Variants in CADPS2 observed in about 807,000 individuals in gnomAD.
CADPS2 encodes calcium dependent secretion activator 2.
Under a neutral mutation model 172.5 loss-of-function variants are expected in CADPS2, and 93 were observed. That is an observed-to-expected ratio of 0.54 (90% CI 0.46 to 0.64). The LOEUF is 0.64. Among genes scored for constraint, CADPS2 ranks in the 30% least tolerant of loss-of-function variants. The probability of loss-of-function intolerance (pLI) is 0.00; values close to 1 mark genes in which losing one functional copy is unlikely to be tolerated. For missense variants in CADPS2, 1,420 were observed against 1,565.9 expected, an observed-to-expected ratio of 0.91 and a Z score of 1.57; for synonymous variants, 546 against 555.2, an observed-to-expected ratio of 0.98 and a Z score of 0.23.
At chr7:122,870,318 G>T (rs866346710) in intron 1 of CADPS2, among the ~76,000 whole-genome samples, 1 of 151,840 alleles carries the variant, frequency 6.6e-6, no homozygotes, top group African/African-American at 2.4e-5. Flanking sequence ...TACATATCAG[G>T]CAAAATAGAC....
intron 1 of CADPS2, among the ~76,000 whole-genome samples, chr7:122,876,633 G>T (rs1821284648): frequency 6.6e-6 from 1 of 151,966 alleles, no homozygotes; most frequent in Non-Finnish European, 1.5e-5. Flanking sequence ...AAAATGCTGG[G>T]ATTACATGTA....
intron 1 of CADPS2, among the ~76,000 whole-genome samples, chr7:122,818,844 A>C (rs1227380485): frequency 6.6e-6 from 1 of 152,216 alleles, no homozygotes; most frequent in Non-Finnish European, 1.5e-5. Flanking sequence ...TTCAACAAAT[A>C]TAAAAATCCA....
intron 15 of CADPS2, among the ~76,000 whole-genome samples, chr7:122,443,945 G>C (rs971921190): frequency 6.6e-6 from 1 of 151,926 alleles, no homozygotes; most frequent in African/African-American, 2.4e-5. Flanking sequence ...GCATATACTT[G>C]TGACTATAAT....
intron 28 of CADPS2, among the ~76,000 whole-genome samples, chr7:122,340,714 A>G (rs1365726791): frequency 2.0e-5 from 3 of 152,222 alleles, no homozygotes; most frequent in African/African-American, 7.2e-5. Flanking sequence ...CTGCCTGGGA[A>G]GAAACATCAC....
chr7:122,650,646 G>A (rs2079058026), intron 3 of CADPS2, among the ~76,000 whole-genome samples: 1 of 152,128 alleles, frequency 6.6e-6, no homozygotes, highest in South Asian at 2.1e-4. Context: ...CCTTATTTTA[G>A]AATATTCTTA....
intron 1 of CADPS2, among the ~76,000 whole-genome samples, chr7:122,765,735 T>G (rs2138898885): frequency 6.6e-6 from 1 of 152,238 alleles, no homozygotes; most frequent in East Asian, 1.9e-4. Context: ...CTAGCTGAAA[T>G]CTAAACTCAT....
At chr7:122,638,672 G>A (rs2077307615) in intron 3 of CADPS2, among the ~76,000 whole-genome samples, 1 of 152,200 alleles carries the variant, frequency 6.6e-6, no homozygotes. Context: ...GAGTCATGGG[G>A]TTTTTCACAT....
At chr7:122,435,218 T>C (rs115072856) in intron 17 of CADPS2, among the ~76,000 whole-genome samples, 45 of 152,112 alleles carry the variant, frequency 3.0e-4, no homozygotes, top group African/African-American at 1.1e-3. Flanking sequence ...AAAAAGGCAA[T>C]GTACAGAATG....
chr7:122,593,502 A>AT (rs952796674), intron 6 of CADPS2, among the ~76,000 whole-genome samples: 1 of 152,034 alleles, frequency 6.6e-6, no homozygotes, highest in Non-Finnish European at 1.5e-5. Flanking sequence ...CATGTTCCTC[A>AT]TAATACATTT....
intron 1 of CADPS2, among the ~76,000 whole-genome samples, chr7:122,796,912 C>T (rs35387381): frequency 0.23 from 34,903 of 151,868 alleles, 4,448 homozygotes; most frequent in African/African-American, 0.34. Flanking sequence ...AAACTATCAA[C>T]AGAGTGAACA....
At chr7:122,390,479 T>C (rs1051495646) in intron 22 of CADPS2, among the ~76,000 whole-genome samples, 1 of 152,026 alleles carries the variant, frequency 6.6e-6, no homozygotes, top group East Asian at 1.9e-4. Flanking sequence ...ATGTAACTAT[T>C]TGGAATGTAT....
intron 2 of CADPS2, chr7:122,701,816 A>G (rs1271896323): frequency 6.6e-7 from 1 of 1,512,772 alleles, no homozygotes; most frequent in Admixed American, 2.0e-5. Context: ...ACATCTTCAG[A>G]AAATTCTCCA....
At chr7:122,656,313 C>T (rs1213003369) in intron 3 of CADPS2, among the ~76,000 whole-genome samples, 13 of 152,090 alleles carry the variant, frequency 8.5e-5, no homozygotes, top group Admixed American at 8.5e-4. Flanking sequence ...CCAGATCCTT[C>T]TCTCTAGCAA....
rs571248161 is a variant in CADPS2 at position 122,386,881 on chromosome 7, A to G, written c.3312+145T>C. On this transcript the variant is annotated intron_variant, in intron 24 of 29. Transcript: ENST00000449022. ...CTGACATGAGCAAAGGATAAAGGGC[A>G]TTCTGTTATTATAGTAAAGATCAAA... 6.6e-6 allele frequency: 5 copies of G among 753,900 alleles called. No individual in the cohort carries two copies. The East Asian group carries it at 1.4e-4, about 21-fold the overall frequency. 46.7% of individuals were successfully genotyped at this position (753,900 alleles called of 1,614,324 possible).
intron 3 of CADPS2, among the ~76,000 whole-genome samples, chr7:122,650,883 T>A (rs73719729): frequency 0.036 from 5,446 of 152,022 alleles, 311 homozygotes; most frequent in African/African-American, 0.12. Flanking sequence ...TTACCAAAAA[T>A]TTAACACATA....
At chr7:122,386,402 A>G in intron 24 of CADPS2, 1 of 717,020 alleles carries the variant, frequency 1.4e-6, no homozygotes, top group Non-Finnish European at 2.1e-6. Context: ...CAATGGGAAA[A>G]AAAGGCAACA....
At chr7:122,871,247 C>T (rs573892934) in intron 1 of CADPS2, among the ~76,000 whole-genome samples, 1 of 151,654 alleles carries the variant, frequency 6.6e-6, no homozygotes, top group South Asian at 2.1e-4. Context: ...CCAGCATTTT[C>T]ACATGTTGAG....
In CADPS2 at chr7:122,621,689, T is replaced by C. The variant is rs1457966660; in HGVS notation, c.896A>G (p.Lys299Arg). ...TTCTATATACATATTCTCCATATCTTTTGCTATAAATTTGGGGAATTTTCT... is the reference window on the plus strand; with the variant it reads ...TTCTATATACATATTCTCCATATCTCTTGCTATAAATTTGGGGAATTTTCT... ...KERKFPKFIA[K>R]DMENMYIEEL... Residue 299 changes from lysine to arginine, a missense_variant, in exon 5 of 30, where the codon AAA becomes AGA. Transcript: ENST00000449022. The C allele has an allele frequency of 1.3e-6, 2 of 1,593,886 alleles. No individual in the cohort carries two copies. The highest frequency in any genetic ancestry group is 3.6e-5 in the Admixed American group (2 of 55,858).
intron 2 of CADPS2, chr7:122,698,972 A>G (rs992231940): frequency 8.1e-7 from 1 of 1,232,688 alleles, no homozygotes; most frequent in Non-Finnish European, 1.1e-6. Flanking sequence ...ACATCTGTTG[A>G]CAATTAATTT....
Sources: gnomAD v4.1 joint callset for allele counts (sites outside exome capture counted in the v4.1 genomes callset) on GRCh38, gnomAD v4.1.1 for gene constraint, MANE v1.5 for transcripts, NCBI Gene and HGNC (gene_info 2026-07-23, HGNC 2026-07-21) for gene names.